Variants in TMEM178B observed in about 807,000 individuals in gnomAD.
TMEM178B encodes the protein transmembrane protein 178B.
Under a neutral mutation model 31.0 loss-of-function variants are expected in TMEM178B, and 5 were observed. The observed-to-expected ratio is 0.16, with a 90% CI of 0.08 to 0.34. TMEM178B has a LOEUF of 0.34. Among genes scored for constraint, TMEM178B ranks in the 10% least tolerant of loss-of-function variants. The pLI, the probability that TMEM178B is intolerant of heterozygous loss-of-function variation, is 1.00. For synonymous variants in TMEM178B, 164 were observed against 164.0 expected, an observed-to-expected ratio of 1.00 and a Z score of 0.00; for missense variants, 275 against 400.3, an observed-to-expected ratio of 0.69 and a Z score of 2.67.
intron 3 of TMEM178B, among the ~76,000 whole-genome samples, chr7:141,470,029 C>T (rs1322479210): frequency 6.6e-6 from 1 of 152,164 alleles, no homozygotes; most frequent in African/African-American, 2.4e-5. Context: ...AAAATATTTC[C>T]AGGTTTTGGA....
At chr7:141,148,193 G>C (rs1289385879) in intron 1 of TMEM178B, among the ~76,000 whole-genome samples, 1 of 151,970 alleles carries the variant, frequency 6.6e-6, no homozygotes, top group Admixed American at 6.5e-5. Context: ...TGTTTCTATT[G>C]TCCATCATCT....
chr7:141,306,621 GT>G (rs1168697391), intron 2 of TMEM178B, among the ~76,000 whole-genome samples: 7,595 of 141,790 alleles, frequency 0.054, 525 homozygotes, highest in African/African-American at 0.16. Context: ...CTGAGAGTCT[GT>G]TTTTTTTTTT....
At chr7:141,380,577 T>G (rs28599985) in intron 2 of TMEM178B, among the ~76,000 whole-genome samples, 26,848 of 152,000 alleles carry the variant, frequency 0.18, 2,517 homozygotes, top group Middle Eastern at 0.2. Flanking sequence ...AGTAGTTTGA[T>G]TAAACTTGGG....
At chr7:141,385,708 A>G (rs184364695) in intron 2 of TMEM178B, among the ~76,000 whole-genome samples, 1 of 152,310 alleles carries the variant, frequency 6.6e-6, no homozygotes, top group African/African-American at 2.4e-5. Context: ...AACTTGCACC[A>G]TTAGCACCTT....
intron 2 of TMEM178B, among the ~76,000 whole-genome samples, chr7:141,433,166 C>A (rs1412073641): frequency 1.3e-5 from 2 of 152,240 alleles, no homozygotes; most frequent in Non-Finnish European, 2.9e-5. Context: ...TGTTTTACGA[C>A]CCCCTCGTAC....
chr7:141,099,993 G>A (rs1444822057), intron 1 of TMEM178B, among the ~76,000 whole-genome samples: 1 of 151,770 alleles, frequency 6.6e-6, no homozygotes, highest in African/African-American at 2.4e-5. Flanking sequence ...CTAATTTTTT[G>A]TATTGTTAGT....
intron 1 of TMEM178B, among the ~76,000 whole-genome samples, chr7:141,192,599 C>T (rs1163881408): frequency 5.9e-5 from 9 of 151,926 alleles, no homozygotes; most frequent in African/African-American, 1.2e-4. Flanking sequence ...CGAATAGCTG[C>T]GACTACAGGC....
intron 2 of TMEM178B, among the ~76,000 whole-genome samples, chr7:141,270,256 G>A (rs539686865): frequency 6.6e-6 from 1 of 152,220 alleles, no homozygotes; most frequent in African/African-American, 2.4e-5. Flanking sequence ...AGACACTCAG[G>A]TGGGTACAGA....
intron 2 of TMEM178B, among the ~76,000 whole-genome samples, chr7:141,430,856 G>A (rs369978703): frequency 2.0e-5 from 3 of 152,182 alleles, no homozygotes; most frequent in South Asian, 2.1e-4. Flanking sequence ...TTCAATTCCC[G>A]TGACCTTGAT....
At chr7:141,312,234 C>A (rs1219831978) in intron 2 of TMEM178B, among the ~76,000 whole-genome samples, 1 of 152,232 alleles carries the variant, frequency 6.6e-6, no homozygotes, top group Non-Finnish European at 1.5e-5. Flanking sequence ...TCAACATGGT[C>A]TGAACTGAAC....
chr7:141,407,138 C>T (rs892224690), intron 2 of TMEM178B, among the ~76,000 whole-genome samples: 3 of 152,180 alleles, frequency 2.0e-5, no homozygotes, highest in African/African-American at 7.2e-5. Flanking sequence ...GTAACAGAGA[C>T]CATATGGCCT....
At chr7:141,483,460 G>A (rs1281087145), downstream of TMEM178B, among the ~76,000 whole-genome samples, 1 of 152,172 alleles carries the variant, frequency 6.6e-6, no homozygotes, top group Non-Finnish European at 1.5e-5. Flanking sequence ...GGGGACAGGG[G>A]GATGAGGGTG....
At chr7:141,120,561 A>G (rs940916117) in intron 1 of TMEM178B, among the ~76,000 whole-genome samples, 1 of 152,192 alleles carries the variant, frequency 6.6e-6, no homozygotes, top group African/African-American at 2.4e-5. Context: ...TGTCCTAAAG[A>G]AAAAAGCAGT....
intron 1 of TMEM178B, among the ~76,000 whole-genome samples, chr7:141,105,609 C>T (rs1209650343): frequency 1.3e-5 from 2 of 152,204 alleles, no homozygotes; most frequent in Non-Finnish European, 2.9e-5. Context: ...GCACTCTTCT[C>T]CCTAATTTCT....
intron 1 of TMEM178B, among the ~76,000 whole-genome samples, chr7:141,195,256 A>G (rs578044095): frequency 3.3e-5 from 5 of 152,316 alleles, no homozygotes; most frequent in African/African-American, 1.2e-4. Flanking sequence ...CAAATTTTCC[A>G]AACTTTTATG....
At chr7:141,218,247 C>T (rs895010010) in intron 2 of TMEM178B, among the ~76,000 whole-genome samples, 5 of 151,996 alleles carry the variant, frequency 3.3e-5, no homozygotes, top group Non-Finnish European at 5.9e-5. Flanking sequence ...GGGCAGAGAA[C>T]GTCAGTGCCA....
intron 1 of TMEM178B, among the ~76,000 whole-genome samples, chr7:141,173,417 C>T (rs552180936): frequency 5.3e-4 from 81 of 152,190 alleles, no homozygotes; most frequent in South Asian, 3.3e-3. Flanking sequence ...CAGAGTTGAA[C>T]GAGTCAGTTA....
chr7:141,231,426 T>C (rs138695349), intron 2 of TMEM178B, among the ~76,000 whole-genome samples: 14 of 152,282 alleles, frequency 9.2e-5, no homozygotes, highest in Non-Finnish European at 1.2e-4. Context: ...ATTAATGTAA[T>C]CAATGATTGC....
chr7:141,364,659 CAAAAAA>C (rs980786132), intron 2 of TMEM178B, among the ~76,000 whole-genome samples: 1 of 47,694 alleles, frequency 2.1e-5, no homozygotes, highest in Non-Finnish European at 4.1e-5. Flanking sequence ...GACTCTGTCT[CAAAAAA>C]AAAAAAAAAA....
Sources: allele counts gnomAD v4.1 joint callset (sites outside exome capture counted in the v4.1 genomes callset), GRCh38; gene constraint gnomAD v4.1.1; transcripts MANE v1.5; gene names NCBI Gene and HGNC (gene_info 2026-07-23, HGNC 2026-07-21).